Variants in DAPP1 observed in about 807,000 individuals in gnomAD.
The protein encoded by DAPP1 is dual adaptor of phosphotyrosine and 3-phosphoinositides 1.
A neutral mutation model predicts 41.5 loss-of-function variants in DAPP1; 20 were observed. That is an observed-to-expected ratio of 0.48 (90% CI 0.34 to 0.70). The LOEUF is 0.70. DAPP1 is among the 30% of genes least tolerant of loss of function. The pLI is 0.01. For missense variants in DAPP1, 233 were observed against 333.4 expected (o/e 0.70, Z 2.35); for synonymous variants, 113 against 116.2 (o/e 0.97, Z 0.18).
chr4:99,840,542 G>T, intron 3 of DAPP1, 120 bp downstream of exon 3: 1 of 1,177,796 alleles, frequency 8.5e-7, no homozygotes, highest in South Asian at 1.5e-5. Flanking sequence ...ATCTTGAAGA[G>T]AAAACAATGT....
At chr4:99,872,222 C>T (rs1041067861), downstream of DAPP1, among the ~76,000 whole-genome samples, 3 of 152,208 alleles carry the variant, frequency 2.0e-5, no homozygotes, top group African/African-American at 7.2e-5. Flanking sequence ...GTTATTTCCC[C>T]AGTTCCAGAT....
chr4:99,827,145 G>C (rs1195392279), intron 1 of DAPP1, among the ~76,000 whole-genome samples: 1 of 152,160 alleles, frequency 6.6e-6, no homozygotes, highest in Non-Finnish European at 1.5e-5. Flanking sequence ...CAGGTTGAGG[G>C]AGGGGCCTGA....
At chr4:99,835,918 A>C (rs1723284653) in intron 2 of DAPP1, among the ~76,000 whole-genome samples, 173 bp downstream of exon 2, 1 of 152,188 alleles carries the variant, frequency 6.6e-6, no homozygotes, top group Non-Finnish European at 1.5e-5. Context: ...TGCTCCATTC[A>C]TTAGCAGGAA....
At chr4:99,871,407 T>G (rs1256245943), downstream of DAPP1, among the ~76,000 whole-genome samples, 1 of 152,154 alleles carries the variant, frequency 6.6e-6, no homozygotes, top group Non-Finnish European at 1.5e-5. Flanking sequence ...AAGGATCTTA[T>G]TTTCTTTTTT....
intron 1 of DAPP1, among the ~76,000 whole-genome samples, chr4:99,820,698 A>G (rs1346476397): frequency 6.6e-6 from 1 of 152,222 alleles, no homozygotes. Flanking sequence ...AGGGCCGGGT[A>G]ACGAATGTTT....
At chr4:99,841,597 T>C (rs966896083) in intron 3 of DAPP1, among the ~76,000 whole-genome samples, 2 of 152,226 alleles carry the variant, frequency 1.3e-5, no homozygotes, top group Non-Finnish European at 2.9e-5. Context: ...ACCTTGGCCT[T>C]GGCAAGCATT....
intron 1 of DAPP1, among the ~76,000 whole-genome samples, chr4:99,834,817 G>A (rs960173163): frequency 5.3e-5 from 8 of 152,122 alleles, no homozygotes; most frequent in South Asian, 4.1e-4. Flanking sequence ...GCTCAAAGTC[G>A]GAAATCAAGG....
chr4:99,831,472 T>G (rs1723117782), intron 1 of DAPP1, among the ~76,000 whole-genome samples: 1 of 152,248 alleles, frequency 6.6e-6, no homozygotes, highest in South Asian at 2.1e-4. Flanking sequence ...GGTTAACTTT[T>G]TACATAATCT....
intron 2 of DAPP1, among the ~76,000 whole-genome samples, chr4:99,839,998 G>T (rs539990334): frequency 1.4e-4 from 22 of 152,340 alleles, no homozygotes; most frequent in African/African-American, 5.1e-4. Context: ...GGAGGCGGAG[G>T]TTGCAGTGAG....
chr4:99,842,753 C>T (rs1723536156), intron 3 of DAPP1, among the ~76,000 whole-genome samples: 2 of 152,132 alleles, frequency 1.3e-5, no homozygotes, highest in Non-Finnish European at 2.9e-5. Flanking sequence ...TCTTCTTGTT[C>T]ATTTAAGCAT....
At chr4:99,858,390 A>G (rs1447270632) in intron 4 of DAPP1, among the ~76,000 whole-genome samples, 1 of 152,244 alleles carries the variant, frequency 6.6e-6, no homozygotes, top group Non-Finnish European at 1.5e-5. Flanking sequence ...CATGTTGGCT[A>G]CAAATACCAC....
chr4:99,841,349 C>T (rs1445552535), intron 3 of DAPP1, among the ~76,000 whole-genome samples: 3 of 152,234 alleles, frequency 2.0e-5, no homozygotes, highest in African/African-American at 7.2e-5. Flanking sequence ...GTGACTCACA[C>T]AGTGTCTAGT....
At chr4:99,821,732 T>A (rs1398842462) in intron 1 of DAPP1, among the ~76,000 whole-genome samples, 4 of 152,226 alleles carry the variant, frequency 2.6e-5, no homozygotes, top group African/African-American at 7.2e-5. Flanking sequence ...CATCTTACTA[T>A]ACTAGTACAT....
At chr4:99,856,710 T>C (rs1724055702) in intron 4 of DAPP1, among the ~76,000 whole-genome samples, 1 of 152,194 alleles carries the variant, frequency 6.6e-6, no homozygotes, top group Non-Finnish European at 1.5e-5. Context: ...CAGTTTCATG[T>C]ATGCTGATGG....
intron 4 of DAPP1, among the ~76,000 whole-genome samples, chr4:99,854,581 C>T (rs1353399659): frequency 6.6e-6 from 1 of 152,190 alleles, no homozygotes; most frequent in African/African-American, 2.4e-5. Context: ...CATGGCCCAC[C>T]TGGACCCTGC....
At chr4:99,871,721 T>C (rs951986443), downstream of DAPP1, among the ~76,000 whole-genome samples, 1 of 152,150 alleles carries the variant, frequency 6.6e-6, no homozygotes, top group African/African-American at 2.4e-5. Context: ...CACCTGAAGA[T>C]AGGAAGGGTT....
intron 3 of DAPP1, among the ~76,000 whole-genome samples, chr4:99,852,504 C>A (rs925864253): frequency 6.6e-6 from 1 of 152,142 alleles, no homozygotes; most frequent in South Asian, 2.1e-4. Flanking sequence ...ATGCCTGGAC[C>A]CCCTGGGCTG....
At chr4:99,833,057 T>G (rs1405233721) in intron 1 of DAPP1, among the ~76,000 whole-genome samples, 1 of 152,260 alleles carries the variant, frequency 6.6e-6, no homozygotes, top group Non-Finnish European at 1.5e-5. Context: ...CTGAAACTTA[T>G]GCTGAAATGT....
At chr4:99,820,223 T>A (rs576392600) in intron 1 of DAPP1, among the ~76,000 whole-genome samples, 7 of 152,182 alleles carry the variant, frequency 4.6e-5, no homozygotes, top group Non-Finnish European at 8.8e-5. Flanking sequence ...TGGGTCAGGC[T>A]GTTTGCTGCT....
Sources: gnomAD v4.1 joint callset for allele counts (sites outside exome capture counted in the v4.1 genomes callset) on GRCh38, gnomAD v4.1.1 for gene constraint, MANE v1.5 for transcripts, NCBI Gene and HGNC (gene_info 2026-07-23, HGNC 2026-07-21) for gene names.